Variants in LITAF observed in about 807,000 individuals in gnomAD.
LITAF encodes lipopolysaccharide induced TNF factor, also known as lipopolysaccharide-induced tumor necrosis factor-alpha factor.
Under a neutral mutation model 14.5 loss-of-function variants are expected in LITAF, and 9 were observed. The ratio of observed to expected loss-of-function variants is 0.62; its 90% CI spans 0.37 to 1.08. The LOEUF is 1.08. Among genes scored for constraint, LITAF ranks in the 50% least tolerant of loss-of-function variants. The pLI is 0.01. For synonymous variants in LITAF, 98 were observed against 88.2 expected, an observed-to-expected ratio of 1.11 and a Z score of -0.62; for missense variants, 206 against 213.4, an observed-to-expected ratio of 0.97 and a Z score of 0.22.
intron 1 of LITAF, among the ~76,000 whole-genome samples, chr16:11,574,720 G>C (rs1377020137): frequency 6.6e-6 from 1 of 151,926 alleles, no homozygotes; most frequent in African/African-American, 2.4e-5. Flanking sequence ...ATTTCTATTT[G>C]GTAAGAAGAC....
In LITAF at chr16:11,605,321, C is replaced by T. The variant is rs1022460872; in HGVS notation, c.85+28212G>A. On this transcript the variant is annotated intron_variant, in intron 3 of 3. Coordinates refer to the LITAF transcript ENST00000574848. The surrounding 1 kb of genome is among the most constrained non-coding windows in gnomAD (Gnocchi z 4.7). The stretch of plus-strand genomic sequence containing the variant: ...TTCAATGGGGGGATGCCACGCAGGT[C>T]TGGCTATGTCTTCAGAAACCCCCAC... Among the ~76,000 whole-genome samples the T allele has an allele frequency of 2.6e-5, 4 of 152,178 alleles. No individual in the cohort carries two copies. The highest frequency in any genetic ancestry group is 7.2e-5 in the African/African-American group (3 of 41,436).
intron 1 of LITAF, among the ~76,000 whole-genome samples, chr16:11,580,193 T>G (rs193242378): frequency 6.6e-6 from 1 of 152,146 alleles, no homozygotes; most frequent in Non-Finnish European, 1.5e-5. Flanking sequence ...TCCCAAGCAT[T>G]TCAGAGAAGA....
chr16:11,551,920 CTTT>C (rs34257398), intron 3 of LITAF: 38 of 369,362 alleles, frequency 1.0e-4, no homozygotes, highest in African/African-American at 4.3e-4. Context: ...AGGCAATGGA[CTTT>C]TTTTTTTTTT....
chr16:11,574,235 T>C (rs982684592), intron 1 of LITAF, among the ~76,000 whole-genome samples: 5 of 151,758 alleles, frequency 3.3e-5, no homozygotes, highest in African/African-American at 1.2e-4. Context: ...AGAGACGGGG[T>C]CTCAGTATGT....
chr16:11,585,267 G>A (rs888421881), intron 1 of LITAF, among the ~76,000 whole-genome samples: 1 of 151,362 alleles, frequency 6.6e-6, no homozygotes, highest in African/African-American at 2.4e-5. Context: ...TTGATCCTAC[G>A]TCTTAGATCA....
intron 1 of LITAF, among the ~76,000 whole-genome samples, chr16:11,581,965 T>A (rs770616993): frequency 3.9e-5 from 6 of 152,156 alleles, no homozygotes; most frequent in Non-Finnish European, 8.8e-5. Flanking sequence ...AGAGAGAGGT[T>A]GGTTGATAGG....
intron 3 of LITAF, among the ~76,000 whole-genome samples, chr16:11,611,553 T>C (rs1198002674): frequency 6.6e-6 from 1 of 152,200 alleles, no homozygotes; most frequent in African/African-American, 2.4e-5. Flanking sequence ...AACAATACTT[T>C]TTACCACCTA....
chr16:11,616,461 G>A (rs1413203146), intron 3 of LITAF, among the ~76,000 whole-genome samples: 1 of 150,830 alleles, frequency 6.6e-6, no homozygotes, highest in African/African-American at 2.4e-5. Flanking sequence ...ATGGGTGACA[G>A]GGTGAGACCC....
chr16:11,626,664 GT>G (rs2065085877), intron 3 of LITAF, among the ~76,000 whole-genome samples: 1 of 151,812 alleles, frequency 6.6e-6, no homozygotes, highest in South Asian at 2.1e-4. Flanking sequence ...TAGAGACGGG[GT>G]TTTACCATGT....
At chr16:11,603,766 C>T (rs539040726) in intron 3 of LITAF, among the ~76,000 whole-genome samples, 52 of 152,206 alleles carry the variant, frequency 3.4e-4, no homozygotes, top group Middle Eastern at 6.8e-3. Context: ...CACTAGAGGC[C>T]GGGCGCAGGG....
intron 2 of LITAF, among the ~76,000 whole-genome samples, chr16:11,635,437 C>A (rs1356151860): frequency 2.0e-5 from 3 of 152,210 alleles, no homozygotes; most frequent in Non-Finnish European, 4.4e-5. Context: ...CCCTGGCTCA[C>A]CTTTGTCCAG....
At chr16:11,625,082 A>G (rs987661094) in intron 3 of LITAF, among the ~76,000 whole-genome samples, 8 of 152,100 alleles carry the variant, frequency 5.3e-5, no homozygotes, top group African/African-American at 1.9e-4. Flanking sequence ...GTGCCAACTC[A>G]TTGAAGCTGA....
chr16:11,612,796 C>T (rs1325231675), intron 3 of LITAF, among the ~76,000 whole-genome samples: 2 of 152,188 alleles, frequency 1.3e-5, no homozygotes, highest in African/African-American at 4.8e-5. Context: ...AGTCCGCCCT[C>T]TTGGGGAATG....
intron 1 of LITAF, among the ~76,000 whole-genome samples, chr16:11,581,199 T>C (rs1414141816): frequency 6.6e-6 from 1 of 152,246 alleles, no homozygotes; most frequent in African/African-American, 2.4e-5. Flanking sequence ...CGTTAATCTA[T>C]CATCAGTTTA....
At chr16:11,616,895 G>C (rs965345180) in intron 3 of LITAF, among the ~76,000 whole-genome samples, 1 of 138,332 alleles carries the variant, frequency 7.2e-6, no homozygotes, top group Non-Finnish European at 1.5e-5. Context: ...CTGGGAAAGA[G>C]AGCAAGACTC....
chr16:11,593,361 A>G (rs1245178377), intron 1 of LITAF, among the ~76,000 whole-genome samples: 22 of 149,392 alleles, frequency 1.5e-4, no homozygotes, highest in African/African-American at 5.4e-4. Flanking sequence ...TCTCAAAAAA[A>G]AAAAAAAAAA....
chr16:11,637,744 T>C (rs968758611), upstream of LITAF, among the ~76,000 whole-genome samples: 2 of 151,430 alleles, frequency 1.3e-5, no homozygotes, highest in African/African-American at 4.8e-5. Flanking sequence ...TAGCCAGGCA[T>C]GCCGGTGGTG....
At chr16:11,629,799 C>T (rs1381870129) in intron 3 of LITAF, among the ~76,000 whole-genome samples, 1 of 152,182 alleles carries the variant, frequency 6.6e-6, no homozygotes, top group African/African-American at 2.4e-5. Context: ...CAGCGTGGAG[C>T]TCCAGGGGCG....
At chr16:11,578,276 C>T (rs2064673874) in intron 1 of LITAF, among the ~76,000 whole-genome samples, 1 of 152,142 alleles carries the variant, frequency 6.6e-6, no homozygotes, top group Non-Finnish European at 1.5e-5. Context: ...AGAACAGAGT[C>T]GCCAGGCGTG....
Sources: allele counts gnomAD v4.1 joint callset (sites outside exome capture counted in the v4.1 genomes callset), GRCh38; gene constraint gnomAD v4.1.1; non-coding constraint Gnocchi (gnomAD v3.1); transcripts MANE v1.5; gene names NCBI Gene and HGNC (gene_info 2026-07-23, HGNC 2026-07-21).